B3GALT1: variants seen among roughly 807,000 people sequenced by gnomAD.
B3GALT1 encodes the protein UDP-Gal:betaGlcNAc beta 1,3-galactosyltransferase, polypeptide 1.
B3GALT1 carries 10 observed loss-of-function variants against 23.2 expected under a neutral mutation model. That is an observed-to-expected ratio of 0.43 (90% CI 0.27 to 0.73). The LOEUF is 0.73. B3GALT1 is among the 30% of genes least tolerant of loss of function. The pLI is 0.21. For synonymous variants in B3GALT1, 156 were observed against 141.5 expected (o/e 1.10, Z -0.73); for missense variants, 299 against 405.4 (o/e 0.74, Z 2.25).
chr2:167,834,958 C>T (rs939219576), intron 4 of B3GALT1, among the ~76,000 whole-genome samples: 1 of 152,214 alleles, frequency 6.6e-6, no homozygotes, highest in Non-Finnish European at 1.5e-5. Flanking sequence ...CTCTGTCTTA[C>T]ATCTTGTCAT....
Position 167,536,031 on chromosome 2 carries a change from C to A in B3GALT1, c.-410+45754C>A, listed in dbSNP as rs549748896. 2.6e-5 allele frequency among the ~76,000 whole-genome samples: 4 copies of A among 152,242 alleles called. No homozygotes were observed. In the South Asian group the frequency reaches 8.3e-4, roughly 32 times the overall value. On this transcript the variant is annotated intron_variant, in intron 2 of 4. Coordinates refer to ENST00000392690, the MANE Select transcript of B3GALT1 (RefSeq NM_020981.4). Reference sequence around the variant, plus strand: ...CTCCGCCTCCCAGGTTCAAGCAATTCTCGTGCCTCAGCCTCTTGAATAGCT... The same window carrying A: ...CTCCGCCTCCCAGGTTCAAGCAATTATCGTGCCTCAGCCTCTTGAATAGCT...
chr2:167,497,707 G>A (rs1194125414), intron 2 of B3GALT1, among the ~76,000 whole-genome samples: 4 of 151,968 alleles, frequency 2.6e-5, no homozygotes, highest in Non-Finnish European at 1.5e-5. Flanking sequence ...CTAAGAAAAG[G>A]AGACTCTGAG....
At chr2:167,564,894 G>A (rs1161841655) in intron 2 of B3GALT1, among the ~76,000 whole-genome samples, 3 of 152,292 alleles carry the variant, frequency 2.0e-5, no homozygotes, top group African/African-American at 2.4e-5. Flanking sequence ...ATGCTCATGG[G>A]TAGGAAGAAT....
chr2:167,837,931 G>C (rs1318236370), intron 4 of B3GALT1, among the ~76,000 whole-genome samples: 1 of 151,896 alleles, frequency 6.6e-6, no homozygotes. Context: ...ATGACTACTG[G>C]GTACATAACA....
chr2:167,776,016 A>T (rs1226163503), intron 3 of B3GALT1, among the ~76,000 whole-genome samples: 1 of 148,448 alleles, frequency 6.7e-6, no homozygotes, highest in Non-Finnish European at 1.5e-5. Context: ...AGGTAACTAT[A>T]TAAGTAGATA....
intron 2 of B3GALT1, among the ~76,000 whole-genome samples, chr2:167,622,075 G>C (rs1220604988): frequency 6.6e-6 from 1 of 152,086 alleles, no homozygotes; most frequent in East Asian, 1.9e-4. Flanking sequence ...TTCATTACCT[G>C]CTCAAATTGT....
intron 4 of B3GALT1, among the ~76,000 whole-genome samples, chr2:167,827,156 T>C (rs1396003912): frequency 6.6e-6 from 1 of 152,068 alleles, no homozygotes; most frequent in Non-Finnish European, 1.5e-5. Flanking sequence ...GCACATATTC[T>C]CTGTGCCAGA....
At chr2:167,721,728 G>A (rs1396098249) in intron 3 of B3GALT1, among the ~76,000 whole-genome samples, 1 of 152,206 alleles carries the variant, frequency 6.6e-6, no homozygotes, top group African/African-American at 2.4e-5. Context: ...GGACCTGACT[G>A]TGGCTGACAC....
intron 3 of B3GALT1, among the ~76,000 whole-genome samples, chr2:167,658,740 GAAGT>G (rs1387755341): frequency 6.6e-6 from 1 of 152,058 alleles, no homozygotes; most frequent in African/African-American, 2.4e-5. Context: ...TTATTTCTAT[GAAGT>G]ATAATGCAAG....
chr2:167,858,026 A>G (rs1690029160), intron 4 of B3GALT1, among the ~76,000 whole-genome samples: 5 of 152,182 alleles, frequency 3.3e-5, no homozygotes, highest in Admixed American at 6.5e-5. Flanking sequence ...TAATCATGGT[A>G]TAGCCATTTC....
At chr2:167,516,272 C>G (rs1247696655) in intron 2 of B3GALT1, among the ~76,000 whole-genome samples, 1 of 152,098 alleles carries the variant, frequency 6.6e-6, no homozygotes, top group Admixed American at 6.6e-5. Context: ...TAAGAACTTA[C>G]CAATGGCCCT....
chr2:167,678,798 T>C (rs78172973), intron 3 of B3GALT1, among the ~76,000 whole-genome samples: 80 of 152,376 alleles, frequency 5.3e-4, no homozygotes, highest in African/African-American at 1.8e-3. Flanking sequence ...AATTAATAGA[T>C]TTATCATTGT....
intron 1 of B3GALT1, among the ~76,000 whole-genome samples, chr2:167,488,536 A>G (rs752842974): frequency 1.6e-4 from 24 of 152,248 alleles, no homozygotes; most frequent in Non-Finnish European, 2.8e-4. Flanking sequence ...AAAGACTGTC[A>G]CTCAAAATCA....
At chr2:167,565,306 G>A (rs1398864045) in intron 2 of B3GALT1, among the ~76,000 whole-genome samples, 1 of 152,196 alleles carries the variant, frequency 6.6e-6, no homozygotes, top group Non-Finnish European at 1.5e-5. Flanking sequence ...CTAGCCATAT[G>A]TAGAAAGCTG....
intron 2 of B3GALT1, among the ~76,000 whole-genome samples, chr2:167,495,373 T>G (rs12105560): frequency 0.46 from 65,136 of 140,114 alleles, 17,283 homozygotes; most frequent in East Asian, 0.88. Context: ...TGCTCTTGGT[T>G]TCCAGGCTGG....
intron 1 of B3GALT1, among the ~76,000 whole-genome samples, chr2:167,450,595 A>C (rs1360626061): frequency 6.6e-6 from 1 of 152,176 alleles, no homozygotes; most frequent in Admixed American, 6.5e-5. Context: ...TCTGTAGGTT[A>C]CCTGGTGCTT....
intron 1 of B3GALT1, among the ~76,000 whole-genome samples, chr2:167,483,981 G>C (rs191260014): frequency 2.0e-5 from 3 of 152,108 alleles, no homozygotes; most frequent in Non-Finnish European, 4.4e-5. Context: ...AGCTATCTCC[G>C]TTAAGAACTG....
rs1574051875 is a variant in B3GALT1 at position 167,369,543 on chromosome 2, C to CA, written c.-511+76210dup. ...AGATTGGAAATATTTTACATCAACT[C>CA]ACTACCAAATCAACTGAGCTGCGAA... On this transcript the variant is annotated intron_variant, in intron 1 of 4. Coordinates refer to ENST00000392690, the MANE Select transcript of B3GALT1 (RefSeq NM_020981.4). 4.6e-5 allele frequency among the ~76,000 whole-genome samples: 7 copies of CA among 152,264 alleles called. No individual in the cohort carries two copies. In the East Asian group the frequency reaches 1.4e-3, roughly 29 times the overall value.
intron 3 of B3GALT1, chr2:167,714,251 A>T: frequency 6.7e-7 from 1 of 1,502,858 alleles, no homozygotes; most frequent in South Asian, 1.1e-5. Flanking sequence ...TGGAGGAAAC[A>T]TCATCCTACG....
Sources: allele counts gnomAD v4.1 joint callset (sites outside exome capture counted in the v4.1 genomes callset), GRCh38; gene constraint gnomAD v4.1.1; transcripts MANE v1.5; gene names NCBI Gene and HGNC (gene_info 2026-07-23, HGNC 2026-07-21).